The following KDM2A variants were observed in gnomAD, a reference collection of about 807,000 sequenced individuals.
KDM2A encodes the protein lysine demethylase 2A, also known as lysine-specific demethylase 2A.
In KDM2A, 3 loss-of-function variants were observed where a neutral mutation model predicts 137.3. That is an observed-to-expected ratio of 0.02 (90% CI 0.01 to 0.06). KDM2A has a LOEUF of 0.06. Ranked by LOEUF, KDM2A falls within the 10% of genes least tolerant of loss-of-function variation. The pLI is 1.00. For synonymous variants in KDM2A, 512 were observed against 541.5 expected (o/e 0.95, Z 0.76); for missense variants, 738 against 1,510.6 (o/e 0.49, Z 8.48).
chr11:67,129,638 G>T (rs1302747326), intron 2 of KDM2A, among the ~76,000 whole-genome samples: 1 of 151,548 alleles, frequency 6.6e-6, no homozygotes, highest in East Asian at 2.0e-4. Context: ...GGAGGCTGAG[G>T]CAGGAGAATG....
Position 67,231,696 on chromosome 11 carries a change from T to A in KDM2A, c.1215T>A (p.Asp405Glu). 1 of 1,613,998 alleles carries A rather than the reference T, an allele frequency of 6.2e-7. No homozygotes were observed. The highest frequency in any genetic ancestry group is 8.5e-7 in the Non-Finnish European group (1 of 1,179,876). ...CGAATGGAGTCAACCTGGATTATGA[T>A]GGACTGGGCAAAACCTGCCGAAGTC... is the stretch of plus-strand genomic sequence containing the variant. ...PVANGVNLDY[D>E]GLGKTCRSLP... Residue 405 changes from aspartate (D) to glutamate (E), a missense_variant, in exon 12 of 21, where the codon GAT (aspartate) becomes GAA (glutamate). By Grantham distance (45) the Asp-to-Glu change is conservative. Around this residue, in one of 9 missense-constraint regions of KDM2A, gnomAD observed 113 missense variants for 133.5 expected, o/e 0.85. Transcript: ENST00000529006.
At position 67,254,458 on chromosome 11, in the gene KDM2A, G is replaced by A. The variant is rs3892144; in HGVS notation, c.3307+40G>A. On this transcript the variant is annotated intron_variant, in intron 20 of 20. Coordinates refer to ENST00000529006, the MANE Select transcript of KDM2A (RefSeq NM_012308.3). This position sits in a 1 kb window ranked among gnomAD's most constrained non-coding sequence, Gnocchi z 4.7. ...TTGTTCATAATCAGCGGTGCCCCCT[G>A]CCTCCAGCCCTCCCTGGAACTTGAT... 0.017 allele frequency: 26,463 copies of A among 1,553,164 alleles called. 371 individuals are homozygous for A. Among genetic ancestry groups the A allele is most frequent in the African/African-American group, 0.066 (4,846 of 73,852 alleles).
chr11:67,168,643 ACACACACACACACACACACACG>A, intron 2 of KDM2A, among the ~76,000 whole-genome samples: 1 of 147,474 alleles, frequency 6.8e-6, no homozygotes, highest in African/African-American at 2.5e-5. Flanking sequence ...ACACACACAC[ACACACACACACACACACACACG>A]GTCGGGGGGA....
In KDM2A at chr11:67,201,193, CAA is replaced by C. The variant is rs35150844; in HGVS notation, c.308-6307_308-6306del. ...TGGGCGACTGAGCAAGACTCTGTCT[CAA>C]AAAAAAAAATATATATATATATATG... On this transcript the variant is annotated intron_variant, in intron 5 of 20. Coordinates refer to ENST00000529006, the MANE Select transcript of KDM2A (RefSeq NM_012308.3). Among the ~76,000 whole-genome samples the C allele has an allele frequency of 9.6e-4, 107 of 111,686 alleles. 1 individual carries two copies. In the South Asian group the frequency reaches 0.014, roughly 14 times the overall value. The allele number at this position is 111,686 out of a possible 152,430, so 73.3% of individuals were successfully genotyped here.
intron 5 of KDM2A, among the ~76,000 whole-genome samples, chr11:67,188,438 C>T (rs1463548206): frequency 2.0e-5 from 3 of 149,898 alleles, no homozygotes; most frequent in East Asian, 2.0e-4. Flanking sequence ...GCTGAGATCG[C>T]GCCACTGCAC....
Position 67,252,719 on chromosome 11 carries a change from A to G in KDM2A, c.2794A>G (p.Lys932Glu). 1.2e-6 allele frequency: 2 copies of G among 1,614,020 alleles called. No individual in the cohort carries two copies. The highest frequency in any genetic ancestry group is 4.5e-5 in the East Asian group (2 of 44,892). The change falls in exon 18 of 21, where the codon AAA (lysine) becomes GAA (glutamate). Residue 932 changes from lysine (K) to glutamate (E), a missense_variant. Physicochemically the swap from Lys to Glu is moderately conservative, Grantham distance 56. This residue lies in a region of KDM2A where 166 missense variants were observed against 324.0 expected (regional missense o/e 0.51). Transcript: ENST00000529006. The part of the protein sequence containing the change: ...KWCCDKRLWT[K>E]IDLSRCKAIV... ...GTGCTGCGACAAGAGACTTTGGACA[A>G]AAATTGACTTGAGTAGGTGTAAGGC... is the stretch of plus-strand genomic sequence containing the variant.
chr11:67,204,668 T>C (rs1245855908), intron 5 of KDM2A, among the ~76,000 whole-genome samples: 1 of 152,020 alleles, frequency 6.6e-6, no homozygotes, highest in Non-Finnish European at 1.5e-5. Context: ...ATTTTTTGTA[T>C]TTTTAGTAGA....
intron 5 of KDM2A, among the ~76,000 whole-genome samples, chr11:67,205,128 A>G (rs1383745452): frequency 6.6e-6 from 1 of 152,206 alleles, no homozygotes; most frequent in Non-Finnish European, 1.5e-5. Flanking sequence ...CAGTAGATGT[A>G]TGAGGGTTCC....
Position 67,124,533 on chromosome 11 carries a change from G to C in KDM2A, c.42+3175G>C, listed in dbSNP as rs564691106. Among the ~76,000 whole-genome samples, 3 of 149,520 alleles carry C rather than the reference G, an allele frequency of 2.0e-5. No individual in the cohort carries two copies. The Admixed American group carries it at 2.0e-4, about 10-fold the overall frequency. On this transcript the variant is annotated intron_variant, in intron 2 of 20. Coordinates refer to ENST00000529006, the MANE Select transcript of KDM2A (RefSeq NM_012308.3). ...TTCGCTATATTGGCAGGCTGGTGTC[G>C]AACTCCTGACCTCAGATGATCACCC...
chr11:67,194,163 G>C (rs866187180), intron 5 of KDM2A, among the ~76,000 whole-genome samples: 2 of 152,060 alleles, frequency 1.3e-5, no homozygotes, highest in African/African-American at 2.4e-5. Context: ...TCTAGTATTA[G>C]TTTAAAATGT....
At chr11:67,161,203 A>AT (rs1436968973) in intron 2 of KDM2A, among the ~76,000 whole-genome samples, 1 of 152,202 alleles carries the variant, frequency 6.6e-6, no homozygotes, top group Non-Finnish European at 1.5e-5. Flanking sequence ...TCTATTAAAA[A>AT]TTTTTTTAAA....
intron 15 of KDM2A, among the ~76,000 whole-genome samples, chr11:67,247,037 T>TA (rs1859242398): frequency 6.0e-5 from 2 of 33,074 alleles, no homozygotes; most frequent in African/African-American, 1.1e-4. Context: ...ATAAATTATT[T>TA]TATATATATA....
chr11:67,207,139 C>G (rs1857828547), intron 5 of KDM2A, among the ~76,000 whole-genome samples: 1 of 152,210 alleles, frequency 6.6e-6, no homozygotes, highest in African/African-American at 2.4e-5. Context: ...GAGCTTGACT[C>G]TAGAGTGAGC....
At position 67,231,669 on chromosome 11, in the gene KDM2A, A is replaced by G; in HGVS notation, c.1188A>G (p.Val396=). Residue 396 remains valine (V), a synonymous_variant, in exon 12 of 21, where the codon GTA becomes GTG. Coordinates refer to ENST00000529006, the MANE Select transcript of KDM2A (RefSeq NM_012308.3). ...GGCGTTCTGTCCTCACTAGCCCTGT[A>G]GCGAATGGAGTCAACCTGGATTATG... ...SSRRSVLTSP[V]ANGVNLDYDG... The G allele has an allele frequency of 1.2e-6, 2 of 1,613,866 alleles. No homozygotes were observed. Among genetic ancestry groups the G allele is most frequent in the South Asian group, 2.2e-5 (2 of 91,066 alleles).
At chr11:67,238,331 A>G (rs985390437) in intron 12 of KDM2A, among the ~76,000 whole-genome samples, 4 of 152,294 alleles carry the variant, frequency 2.6e-5, no homozygotes, top group African/African-American at 9.6e-5. Context: ...CGTTTGTTTT[A>G]AAGTAATATG....
chr11:67,148,528 T>A (rs1255606449), intron 2 of KDM2A, among the ~76,000 whole-genome samples: 1 of 151,954 alleles, frequency 6.6e-6, no homozygotes, highest in African/African-American at 2.4e-5. Flanking sequence ...CGGCCGGGCG[T>A]GGTGGCTCAT....
chr11:67,157,008 C>T (rs115203158), intron 2 of KDM2A, among the ~76,000 whole-genome samples: 85 of 152,090 alleles, frequency 5.6e-4, no homozygotes, highest in African/African-American at 1.9e-3. Flanking sequence ...CCCTCTGGCC[C>T]CTTTCATTAA....
At chr11:67,181,240 T>C in intron 3 of KDM2A, 80 bp from the exon 4 acceptor site, 1 of 843,480 alleles carries the variant, frequency 1.2e-6, no homozygotes, top group Non-Finnish European at 1.9e-6. Flanking sequence ...TTATACTGTA[T>C]TACTTAGGAT....
chr11:67,155,283 C>T (rs764874011), intron 2 of KDM2A, among the ~76,000 whole-genome samples: 1 of 152,132 alleles, frequency 6.6e-6, no homozygotes, highest in African/African-American at 2.4e-5. Context: ...TAAGCCACTG[C>T]GCCCCAGCCT....
Sources: allele counts gnomAD v4.1 joint callset (sites outside exome capture counted in the v4.1 genomes callset), GRCh38; gene constraint gnomAD v4.1.1; regional missense constraint gnomAD v4.1.1; non-coding constraint Gnocchi (gnomAD v3.1); transcripts MANE v1.5; gene names NCBI Gene and HGNC (gene_info 2026-07-23, HGNC 2026-07-21).